IL1RL2: variants seen among roughly 807,000 people sequenced by gnomAD.
IL1RL2 encodes interleukin-1 receptor-like 2.
IL1RL2 carries 68 observed loss-of-function variants against 66.8 expected under a neutral mutation model. The ratio of observed to expected loss-of-function variants is 1.02; its 90% CI spans 0.84 to 1.25. IL1RL2 has a LOEUF of 1.25. Ranked by LOEUF, IL1RL2 falls within the 50% of genes most tolerant of loss-of-function variation. The pLI, the probability that IL1RL2 is intolerant of heterozygous loss-of-function variation, is 0.00. For synonymous variants in IL1RL2, 305 were observed against 264.6 expected (o/e 1.15, Z -1.48); for missense variants, 729 against 709.3 (o/e 1.03, Z -0.32).
At chr2:102,210,501 G>A (rs773922630) in intron 5 of IL1RL2, among the ~76,000 whole-genome samples, 1 of 152,308 alleles carries the variant, frequency 6.6e-6, no homozygotes, top group Admixed American at 6.5e-5. Flanking sequence ...CAGAAGTGCA[G>A]GTACAGAAGC....
At chr2:102,218,891 G>T in intron 6 of IL1RL2, 62 bp from the exon 7 acceptor site, 1 of 1,460,832 alleles carries the variant, frequency 6.8e-7, no homozygotes, top group Non-Finnish European at 9.5e-7. Context: ...TAATCCAGAT[G>T]TTAACAAATT....
At chr2:102,210,922 AGGAAAATAAT>A (rs1689116714) in intron 5 of IL1RL2, among the ~76,000 whole-genome samples, 1 of 152,216 alleles carries the variant, frequency 6.6e-6, no homozygotes, top group South Asian at 2.1e-4. Flanking sequence ...GAGATTGCTT[AGGAAAATAAT>A]GGAAAATAGA....
At chr2:102,224,404 T>G (rs1690417410) in intron 8 of IL1RL2, among the ~76,000 whole-genome samples, 1 of 152,190 alleles carries the variant, frequency 6.6e-6, no homozygotes, top group African/African-American at 2.4e-5. Context: ...AGAATGAAAT[T>G]CTGTCATTTG....
At chr2:102,241,104 T>A (rs1320796467), downstream of IL1RL2, among the ~76,000 whole-genome samples, 3 of 152,164 alleles carry the variant, frequency 2.0e-5, no homozygotes, top group Admixed American at 6.5e-5. Context: ...GACTTACAGG[T>A]GGGCGGGCAT....
chr2:102,221,057 GCACCCTCTACT>G (rs1468000397), intron 8 of IL1RL2, among the ~76,000 whole-genome samples: 3 of 152,174 alleles, frequency 2.0e-5, no homozygotes, highest in African/African-American at 7.2e-5. Flanking sequence ...AGTGAGCACA[GCACCCTCTACT>G]CACCCTGAGC....
At chr2:102,218,258 G>A (rs1296723010) in intron 6 of IL1RL2, among the ~76,000 whole-genome samples, 1 of 152,024 alleles carries the variant, frequency 6.6e-6, no homozygotes, top group Non-Finnish European at 1.5e-5. Flanking sequence ...ATACTGTTTG[G>A]TACATGTGTG....
intron 6 of IL1RL2, among the ~76,000 whole-genome samples, chr2:102,216,919 G>T (rs1256095093): frequency 6.6e-6 from 1 of 152,076 alleles, no homozygotes; most frequent in African/African-American, 2.4e-5. Flanking sequence ...TACATTGCGT[G>T]TTCTTTAATA....
intron 10 of IL1RL2, among the ~76,000 whole-genome samples, chr2:102,234,474 T>C (rs1674664658): frequency 6.6e-6 from 1 of 152,160 alleles, no homozygotes; most frequent in Non-Finnish European, 1.5e-5. Flanking sequence ...AATTAATCCA[T>C]TCCTGACTAA....
intron 9 of IL1RL2, among the ~76,000 whole-genome samples, chr2:102,229,905 G>A (rs907307364): frequency 8.5e-5 from 13 of 152,212 alleles, no homozygotes; most frequent in African/African-American, 2.7e-4. Context: ...TTTAGAAACA[G>A]GGAACAGGGA....
At chr2:102,238,493 C>A (rs903664428) in intron 11 of IL1RL2, among the ~76,000 whole-genome samples, 1 of 152,188 alleles carries the variant, frequency 6.6e-6, no homozygotes, top group Non-Finnish European at 1.5e-5. Context: ...CCCAGGGCCC[C>A]CCACACCCAT....
chr2:102,218,838 G>A (rs1458695905), intron 6 of IL1RL2, 115 bp from the exon 7 acceptor site: 2 of 871,182 alleles, frequency 2.3e-6, no homozygotes, highest in Non-Finnish European at 3.5e-6. Context: ...GGCTATTTCT[G>A]GTAATCAAAA....
chr2:102,187,472 C>T (rs1686783712), intron 1 of IL1RL2: 1 of 895,086 alleles, frequency 1.1e-6, no homozygotes, highest in Non-Finnish European at 1.5e-6. Flanking sequence ...GGGTTGGGGT[C>T]CCACGTCTGG....
intron 11 of IL1RL2, among the ~76,000 whole-genome samples, chr2:102,238,507 C>T (rs1198299547): frequency 6.6e-6 from 1 of 152,222 alleles, no homozygotes; most frequent in Non-Finnish European, 1.5e-5. Context: ...CACCCATCAG[C>T]ACCCCATAGT....
intron 4 of IL1RL2, among the ~76,000 whole-genome samples, chr2:102,199,978 G>A (rs1379091629): frequency 6.6e-6 from 1 of 152,042 alleles, no homozygotes; most frequent in Non-Finnish European, 1.5e-5. Flanking sequence ...GGGCTTCATG[G>A]TGAAACCCCA....
chr2:102,235,720 A>G, intron 11 of IL1RL2: 1 of 985,428 alleles, frequency 1.0e-6, no homozygotes. Flanking sequence ...CAAGGATAGC[A>G]GTATTTGTCC....
At chr2:102,227,436 A>T (rs1690720893) in intron 9 of IL1RL2, among the ~76,000 whole-genome samples, 1 of 152,190 alleles carries the variant, frequency 6.6e-6, no homozygotes, top group Admixed American at 6.5e-5. Flanking sequence ...TAAATTTCTG[A>T]ATTCAGAATT....
intron 11 of IL1RL2, 144 bp from the exon 12 acceptor site, chr2:102,239,048 A>G: frequency 1.5e-6 from 1 of 665,314 alleles, no homozygotes; most frequent in South Asian, 1.6e-5. Flanking sequence ...AAGATAACCC[A>G]AGAGAAATGG....
intron 5 of IL1RL2, among the ~76,000 whole-genome samples, chr2:102,206,395 G>A (rs1475727921): frequency 6.6e-6 from 1 of 152,140 alleles, no homozygotes; most frequent in Non-Finnish European, 1.5e-5. Flanking sequence ...TCTTGGGAAG[G>A]CCTTCCAAAG....
Position 102,187,097 on chromosome 2 carries a change from G to T in IL1RL2, c.-13+11G>T, listed in dbSNP as rs1347007801. 3.1e-6 allele frequency: 4 copies of T among 1,289,812 alleles called. No individual in the cohort carries two copies. Among genetic ancestry groups the T allele is most frequent in the Non-Finnish European group, 4.0e-6 (4 of 988,800 alleles). The allele number at this position is 1,289,812 out of a possible 1,614,324, so 79.9% of individuals were successfully genotyped here. A position where few individuals can be genotyped will look rare whatever the true frequency, so the allele number is the denominator to read the frequency against. Reference sequence around the variant, plus strand: ...CAATCCTGCAGGCAGGTAGACACCGGGCCGGGAGTCTGGCTGAGCCAGGCA... The same window carrying T: ...CAATCCTGCAGGCAGGTAGACACCGTGCCGGGAGTCTGGCTGAGCCAGGCA... On this transcript the variant is annotated intron_variant, in intron 1 of 11. Coordinates refer to ENST00000264257, the MANE Select transcript of IL1RL2 (RefSeq NM_003854.4).
Sources: gnomAD v4.1 joint callset for allele counts (sites outside exome capture counted in the v4.1 genomes callset) on GRCh38, gnomAD v4.1.1 for gene constraint, MANE v1.5 for transcripts, NCBI Gene and HGNC (gene_info 2026-07-23, HGNC 2026-07-21) for gene names.